CTNNA2: variants seen among roughly 807,000 people sequenced by gnomAD.
CTNNA2 encodes catenin alpha 2.
CTNNA2 carries 42 observed loss-of-function variants against 101.0 expected under a neutral mutation model. The observed-to-expected ratio is 0.42, with a 90% CI of 0.32 to 0.54. The LOEUF (loss-of-function observed/expected upper bound fraction) is 0.54, where lower values mean the gene tolerates loss of function less well. CTNNA2 is among the 20% of genes least tolerant of loss of function. The pLI is 0.14. For missense variants in CTNNA2, 871 were observed against 1,223.1 expected (o/e 0.71, Z 4.29); for synonymous variants, 450 against 456.4 (o/e 0.99, Z 0.18).
At chr2:80,560,714 C>G (rs1039271608) in intron 12 of CTNNA2, among the ~76,000 whole-genome samples, 24 of 152,138 alleles carry the variant, frequency 1.6e-4, no homozygotes, top group African/African-American at 5.6e-4. Context: ...TTGAGATTCA[C>G]CTTTAAAATA....
intron 7 of CTNNA2, among the ~76,000 whole-genome samples, chr2:80,177,243 G>T (rs1021260595): frequency 6.6e-6 from 1 of 152,162 alleles, no homozygotes; most frequent in African/African-American, 2.4e-5. Flanking sequence ...CATGATGGTG[G>T]ATAAGGCATT....
chr2:79,566,281 G>A (rs1675107838), intron 1 of CTNNA2, among the ~76,000 whole-genome samples: 1 of 152,068 alleles, frequency 6.6e-6, no homozygotes, highest in Admixed American at 6.6e-5. Context: ...TGTGCCTTCT[G>A]ACCTTTTCCA....
intron 4 of CTNNA2, among the ~76,000 whole-genome samples, chr2:79,450,053 G>A (rs1475482422): frequency 1.3e-5 from 2 of 151,892 alleles, no homozygotes; most frequent in East Asian, 3.9e-4. Flanking sequence ...AGATGTCTGA[G>A]ACCAAACAAT....
intron 7 of CTNNA2, among the ~76,000 whole-genome samples, chr2:80,356,472 C>T (rs1193217633): frequency 6.6e-6 from 1 of 152,110 alleles, no homozygotes; most frequent in Non-Finnish European, 1.5e-5. Flanking sequence ...ACATCCTGAG[C>T]TATTCTCATC....
intron 2 of CTNNA2, among the ~76,000 whole-genome samples, chr2:79,241,214 T>C (rs573385710): frequency 6.6e-6 from 1 of 152,330 alleles, no homozygotes; most frequent in Admixed American, 6.5e-5. Flanking sequence ...TTCAGCTTTT[T>C]ATAAACAAGT....
At chr2:80,418,826 T>C (rs1680262207) in intron 8 of CTNNA2, among the ~76,000 whole-genome samples, 1 of 152,254 alleles carries the variant, frequency 6.6e-6, no homozygotes, top group Non-Finnish European at 1.5e-5. Context: ...GAATGATGTA[T>C]AATTATGCAT....
intron 7 of CTNNA2, among the ~76,000 whole-genome samples, chr2:80,121,034 G>A (rs1241560423): frequency 3.3e-5 from 5 of 152,130 alleles, no homozygotes; most frequent in Non-Finnish European, 7.4e-5. Context: ...AATCCAAAAG[G>A]TATGGCTTTG....
intron 2 of CTNNA2, among the ~76,000 whole-genome samples, chr2:79,225,387 T>A (rs1044216560): frequency 6.6e-6 from 1 of 152,196 alleles, no homozygotes; most frequent in Admixed American, 6.5e-5. Flanking sequence ...GTCTTTGAAT[T>A]AATCTTGTCA....
At chr2:79,444,970 T>C (rs1220117025) in intron 4 of CTNNA2, among the ~76,000 whole-genome samples, 2 of 152,112 alleles carry the variant, frequency 1.3e-5, no homozygotes, top group East Asian at 3.9e-4. Flanking sequence ...AAGTTGAACC[T>C]GCCTAGATTA....
intron 3 of CTNNA2, among the ~76,000 whole-genome samples, chr2:79,333,510 T>G (rs1376937237): frequency 6.6e-6 from 1 of 152,140 alleles, no homozygotes; most frequent in East Asian, 1.9e-4. Context: ...AAACACACAA[T>G]GTATATAAAG....
At chr2:80,249,853 A>T (rs1671616802) in intron 7 of CTNNA2, among the ~76,000 whole-genome samples, 1 of 152,080 alleles carries the variant, frequency 6.6e-6, no homozygotes, top group South Asian at 2.1e-4. Flanking sequence ...CATCATTATT[A>T]TGTTTATAGC....
At chr2:80,256,847 C>T (rs923482239) in intron 7 of CTNNA2, among the ~76,000 whole-genome samples, 1 of 152,152 alleles carries the variant, frequency 6.6e-6, no homozygotes, top group African/African-American at 2.4e-5. Context: ...ACTATTAATA[C>T]ATGAAGCAGC....
At position 79,452,417 on chromosome 2, in the gene CTNNA2, T is replaced by A. The variant is rs138855804; in HGVS notation, c.-134-52637T>A. On this transcript the variant is annotated intron_variant, in intron 4 of 21. Coordinates refer to the CTNNA2 transcript ENST00000466387. The stretch of plus-strand genomic sequence containing the variant: ...CCACAGATGAAAGTAGTATGTTTTT[T>A]CATAGCGTTTCCTGCAAAGCATCTA... Among the ~76,000 whole-genome samples, 261 of 151,502 alleles carry A rather than the reference T, an allele frequency of 1.7e-3. 1 individual carries two copies. The highest frequency in any genetic ancestry group is 5.8e-3 in the African/African-American group (241 of 41,284).
At chr2:80,621,540 A>C (rs969487695) in intron 18 of CTNNA2, among the ~76,000 whole-genome samples, 1 of 152,010 alleles carries the variant, frequency 6.6e-6, no homozygotes, top group Non-Finnish European at 1.5e-5. Flanking sequence ...AGGTAGCTAC[A>C]TAATGATTTT....
intron 17 of CTNNA2, among the ~76,000 whole-genome samples, chr2:80,615,265 A>G (rs1161330022): frequency 2.0e-5 from 3 of 151,550 alleles, no homozygotes. Context: ...TATTTTTCTT[A>G]AAATACATCA....
At chr2:79,799,046 G>T (rs1675945496) in intron 3 of CTNNA2, among the ~76,000 whole-genome samples, 1 of 152,122 alleles carries the variant, frequency 6.6e-6, no homozygotes. Flanking sequence ...TCTCTCTGGT[G>T]AGCCCCAGCC....
chr2:80,356,096 C>T (rs1031385852), intron 7 of CTNNA2, among the ~76,000 whole-genome samples: 1 of 152,002 alleles, frequency 6.6e-6, no homozygotes, highest in African/African-American at 2.4e-5. Context: ...TGTTTCTTTT[C>T]TCTCTCTGCA....
intron 7 of CTNNA2, among the ~76,000 whole-genome samples, chr2:80,131,729 C>G (rs1370336517): frequency 6.6e-6 from 1 of 152,164 alleles, no homozygotes; most frequent in Non-Finnish European, 1.5e-5. Flanking sequence ...CATACATTCT[C>G]TCACATGTTC....
At chr2:80,434,248 G>C (rs1401553038) in intron 9 of CTNNA2, among the ~76,000 whole-genome samples, 1 of 152,172 alleles carries the variant, frequency 6.6e-6, no homozygotes, top group African/African-American at 2.4e-5. Context: ...TTTTCATGTA[G>C]TTGCTCATAA....
Sources: allele counts gnomAD v4.1 joint callset (sites outside exome capture counted in the v4.1 genomes callset), GRCh38; gene constraint gnomAD v4.1.1; transcripts MANE v1.5; gene names NCBI Gene and HGNC (gene_info 2026-07-23, HGNC 2026-07-21).